FNBP1L: variants seen among roughly 807,000 people sequenced by gnomAD.
FNBP1L encodes formin-binding protein 1-like.
FNBP1L carries 36 observed loss-of-function variants against 91.2 expected under a neutral mutation model. The observed-to-expected ratio is 0.39, with a 90% CI of 0.30 to 0.52. The LOEUF (loss-of-function observed/expected upper bound fraction) is 0.52, where lower values mean the gene tolerates loss of function less well. Ranked by LOEUF, FNBP1L falls within the 20% of genes least tolerant of loss-of-function variation. The pLI is 0.66. For missense variants in FNBP1L, 571 were observed against 732.1 expected (o/e 0.78, Z 2.54); for synonymous variants, 242 against 237.0 (o/e 1.02, Z -0.19).
At chr1:93,449,139 C>G (rs1240890178) in intron 1 of FNBP1L, among the ~76,000 whole-genome samples, 1 of 152,218 alleles carries the variant, frequency 6.6e-6, no homozygotes, top group Non-Finnish European at 1.5e-5. Flanking sequence ...TCCTTTCCTC[C>G]TTGCCTTTCT....
chr1:93,472,499 T>C (rs1224473495), intron 1 of FNBP1L, among the ~76,000 whole-genome samples: 3 of 151,766 alleles, frequency 2.0e-5, no homozygotes, highest in Non-Finnish European at 4.4e-5. Flanking sequence ...CATCAGTGTA[T>C]GTGCAGAGAG....
chr1:93,493,305 T>G (rs537573820), intron 1 of FNBP1L, among the ~76,000 whole-genome samples: 6 of 152,318 alleles, frequency 3.9e-5, no homozygotes, highest in Non-Finnish European at 8.8e-5. Context: ...GCTATGATGG[T>G]GAATGCATAG....
rs1296624122 is a variant in FNBP1L at position 93,456,584 on chromosome 1, G to A, written c.24+8279G>A. On this transcript the variant is annotated intron_variant, in intron 1 of 16. Coordinates refer to ENST00000271234, the MANE Select transcript of FNBP1L (RefSeq NM_001164473.3). ...CAGAGAAACCAGCCTGGGCAAGATG[G>A]TGAAACCCCTTCTCTACCAAAAAAA... 3.5e-5 allele frequency among the ~76,000 whole-genome samples: 5 copies of A among 143,396 alleles called. No individual in the cohort carries two copies. The East Asian group carries it at 6.2e-4, about 18-fold the overall frequency. The allele number at this position is 143,396 out of a possible 152,430, so 94.1% of individuals were successfully genotyped here.
At chr1:93,516,542 A>G (rs61784068) in intron 2 of FNBP1L, among the ~76,000 whole-genome samples, 18,938 of 152,160 alleles carry the variant, frequency 0.12, 1,437 homozygotes, top group East Asian at 0.32. Context: ...TGGGCTGGGC[A>G]CGATGGCTCA....
intron 11 of FNBP1L, 90 bp downstream of exon 11, chr1:93,541,146 C>A: frequency 8.0e-7 from 1 of 1,243,684 alleles, no homozygotes; most frequent in Non-Finnish European, 1.1e-6. Context: ...TGGTAAATTA[C>A]ATCCCACGTT....
intron 1 of FNBP1L, among the ~76,000 whole-genome samples, chr1:93,489,505 G>T (rs1278365847): frequency 1.3e-5 from 2 of 152,030 alleles, no homozygotes; most frequent in Non-Finnish European, 2.9e-5. Flanking sequence ...CAATGGAGAT[G>T]ACCATGGGAA....
Position 93,497,205 on chromosome 1 carries a change from G to A in FNBP1L, c.25-2263G>A, listed in dbSNP as rs558377886. 5.5e-3 allele frequency among the ~76,000 whole-genome samples: 828 copies of A among 151,152 alleles called. 4 individuals carry two copies. Among genetic ancestry groups the A allele is most frequent in the Non-Finnish European group, 8.5e-3 (578 of 67,628 alleles). On this transcript the variant is annotated intron_variant, in intron 1 of 16. Transcript: ENST00000271234. ...TCTCGATCTCCTGAACTCGTGATCC[G>A]CCCACCTCGGCCTCCCAAAGTGCTG...
chr1:93,501,391 C>T (rs1670435291), intron 2 of FNBP1L, among the ~76,000 whole-genome samples: 1 of 152,052 alleles, frequency 6.6e-6, no homozygotes, highest in Admixed American at 6.6e-5. Context: ...AAGGCATGCC[C>T]CCGGCTTCTG....
chr1:93,507,857 C>T (rs986845040), intron 2 of FNBP1L, among the ~76,000 whole-genome samples: 4 of 151,648 alleles, frequency 2.6e-5, no homozygotes, highest in African/African-American at 9.7e-5. Context: ...CCATGTTGGC[C>T]TGGCTGGTCT....
At chr1:93,548,241 A>C (rs1317357485) in intron 14 of FNBP1L, among the ~76,000 whole-genome samples, 2 of 152,308 alleles carry the variant, frequency 1.3e-5, no homozygotes, top group East Asian at 3.9e-4. Context: ...CTCAGATTAA[A>C]AGGATCTAAT....
chr1:93,527,972 A>G (rs954793448), intron 5 of FNBP1L, among the ~76,000 whole-genome samples: 1 of 152,104 alleles, frequency 6.6e-6, no homozygotes, highest in African/African-American at 2.4e-5. Flanking sequence ...AAATAACTCT[A>G]TGATAGTAGA....
intron 2 of FNBP1L, among the ~76,000 whole-genome samples, chr1:93,512,570 A>G (rs1428484608): frequency 1.3e-5 from 2 of 151,738 alleles, no homozygotes; most frequent in African/African-American, 4.8e-5. Flanking sequence ...ATAGCAAACT[A>G]TCTCTCAGAC....
At chr1:93,531,861 CAAG>C (rs1340339367) in intron 7 of FNBP1L, among the ~76,000 whole-genome samples, 11 of 151,792 alleles carry the variant, frequency 7.2e-5, no homozygotes, top group Non-Finnish European at 1.6e-4. Context: ...TTTGGGGAGA[CAAG>C]GAGTGTAACT....
chr1:93,498,071 A>G (rs1670327033), intron 1 of FNBP1L, among the ~76,000 whole-genome samples: 1 of 151,950 alleles, frequency 6.6e-6, no homozygotes, highest in South Asian at 2.1e-4. Context: ...TATATCATTT[A>G]ATATATAAAT....
At chr1:93,499,408 A>G in intron 1 of FNBP1L, 60 bp from the exon 2 acceptor site, 1 of 1,105,456 alleles carries the variant, frequency 9.0e-7, no homozygotes, top group Non-Finnish European at 1.3e-6. Context: ...GAAGCTGTTA[A>G]AAATATCTGT....
At chr1:93,523,273 C>A in intron 3 of FNBP1L, 71 bp from the exon 4 acceptor site, 1 of 1,411,084 alleles carries the variant, frequency 7.1e-7, no homozygotes, top group South Asian at 1.7e-5. Context: ...ATGTTAGATT[C>A]AGTCCATACC....
intron 1 of FNBP1L, among the ~76,000 whole-genome samples, chr1:93,481,122 T>C (rs1669689725): frequency 6.6e-6 from 1 of 152,178 alleles, no homozygotes; most frequent in South Asian, 2.1e-4. Context: ...CAGTTGAAAC[T>C]TCCCCCCTTT....
chr1:93,499,732 T>C (rs955417679), intron 2 of FNBP1L, 149 bp downstream of exon 2: 5 of 583,552 alleles, frequency 8.6e-6, no homozygotes, highest in Non-Finnish European at 1.5e-5. Context: ...AATGATTAAT[T>C]AAGTCATTGG....
intron 2 of FNBP1L, among the ~76,000 whole-genome samples, chr1:93,499,941 G>C (rs1010736120): frequency 2.6e-5 from 4 of 152,144 alleles, no homozygotes; most frequent in Non-Finnish European, 5.9e-5. Flanking sequence ...TATTTCTTCA[G>C]AGTTTTTTTC....
Sources: gnomAD v4.1 joint callset for allele counts (sites outside exome capture counted in the v4.1 genomes callset) on GRCh38, gnomAD v4.1.1 for gene constraint, MANE v1.5 for transcripts, NCBI Gene and HGNC (gene_info 2026-07-23, HGNC 2026-07-21) for gene names.